MAPRE1: variants seen among roughly 807,000 people sequenced by gnomAD.
The protein encoded by MAPRE1 is microtubule associated protein RP/EB family member 1.
Under a neutral mutation model 32.1 loss-of-function variants are expected in MAPRE1, and 5 were observed. That is an observed-to-expected ratio of 0.16 (90% CI 0.08 to 0.33). The LOEUF (loss-of-function observed/expected upper bound fraction) is 0.33, where lower values mean the gene tolerates loss of function less well. Ranked by LOEUF, MAPRE1 falls within the 10% of genes least tolerant of loss-of-function variation. The probability of loss-of-function intolerance (pLI) is 1.00; values close to 1 mark genes in which losing one functional copy is unlikely to be tolerated. For missense variants in MAPRE1, 209 were observed against 327.2 expected (o/e 0.64, Z 2.79); for synonymous variants, 122 against 118.9 (o/e 1.03, Z -0.17).
chr20:32,845,657 A>G (rs920259415), intron 5 of MAPRE1, among the ~76,000 whole-genome samples: 2 of 152,074 alleles, frequency 1.3e-5, no homozygotes, highest in Admixed American at 6.6e-5. Context: ...TTTATTATTT[A>G]TTTTTTAAAA....
At chr20:32,836,873 AAT>A in intron 4 of MAPRE1, 32 bp downstream of exon 4, 1 of 1,559,320 alleles carries the variant, frequency 6.4e-7, no homozygotes, top group Non-Finnish European at 8.7e-7. Flanking sequence ...GTTTCCAAAA[AAT>A]AGCGTTCCAG....
Position 32,849,841 on chromosome 20 carries a change from A to C in MAPRE1, c.*1113A>C, listed in dbSNP as rs1173954085. 6.6e-6 allele frequency: 1 copy of C among 152,642 alleles called. No individual in the cohort carries two copies. Among genetic ancestry groups the C allele is most frequent in the Non-Finnish European group, 1.5e-5 (1 of 68,042 alleles). 9.5% of individuals were successfully genotyped at this position (152,642 alleles called of 1,614,324 possible). ...TCTGCTGTTCACAGCTCTCCACTGT[A>C]ATCCGAATACTTTGCCAGTGCACTA... On this transcript the variant is annotated 3_prime_UTR_variant, in exon 7 of 7. Transcript: ENST00000375571.
chr20:32,823,503 T>A (rs1430319226), intron 1 of MAPRE1, among the ~76,000 whole-genome samples: 2 of 152,224 alleles, frequency 1.3e-5, no homozygotes, highest in Non-Finnish European at 2.9e-5. Context: ...TTGATTTAGA[T>A]CTGGATTAGC....
intron 1 of MAPRE1, among the ~76,000 whole-genome samples, chr20:32,821,496 G>C (rs1272131810): frequency 6.6e-6 from 1 of 152,200 alleles, no homozygotes; most frequent in Non-Finnish European, 1.5e-5. Context: ...CTTTGTGGTG[G>C]TGCGTCAAAG....
chr20:32,825,440 G>T (rs1378951536), intron 1 of MAPRE1, among the ~76,000 whole-genome samples: 1 of 152,142 alleles, frequency 6.6e-6, no homozygotes, highest in East Asian at 1.9e-4. Context: ...TCCAGATTCT[G>T]TGGCTGGAAT....
At chr20:32,844,011 G>A (rs1434477268) in intron 5 of MAPRE1, among the ~76,000 whole-genome samples, 3 of 151,982 alleles carry the variant, frequency 2.0e-5, no homozygotes, top group South Asian at 2.1e-4. Flanking sequence ...CTGCCTCCAC[G>A]CCCAGCTAAT....
intron 3 of MAPRE1, 123 bp from the exon 4 acceptor site, chr20:32,836,511 C>G: frequency 1.6e-6 from 1 of 642,264 alleles, no homozygotes; most frequent in Non-Finnish European, 2.7e-6. Context: ...GGGCTTAGCC[C>G]TAAGGTCTCT....
chr20:32,834,247 G>C (rs35802810), intron 3 of MAPRE1, among the ~76,000 whole-genome samples: 23,029 of 152,180 alleles, frequency 0.15, 2,251 homozygotes, highest in Non-Finnish European at 0.21. Flanking sequence ...TAGGCCAGGC[G>C]TGGTGGCTCA....
At chr20:32,825,626 C>A (rs1982823855) in intron 1 of MAPRE1, among the ~76,000 whole-genome samples, 1 of 152,070 alleles carries the variant, frequency 6.6e-6, no homozygotes, top group Admixed American at 6.5e-5. Context: ...GAAACCCCAT[C>A]TCTACTAAAA....
At chr20:32,839,882 G>T (rs1339326983) in intron 5 of MAPRE1, 26 bp downstream of exon 5, 2 of 1,613,396 alleles carry the variant, frequency 1.2e-6, no homozygotes, top group African/African-American at 2.7e-5. Flanking sequence ...TTTAGCACGT[G>T]AGTCACCTCG....
At position 32,825,293 on chromosome 20, in the gene MAPRE1, A is replaced by G. The variant is rs1298297777; in HGVS notation, c.-3-632A>G. 3.3e-5 allele frequency among the ~76,000 whole-genome samples: 5 copies of G among 152,204 alleles called. No homozygotes were observed. In the East Asian group the frequency reaches 9.6e-4, roughly 29 times the overall value. On this transcript the variant is annotated intron_variant, in intron 1 of 6. Transcript: ENST00000375571. ...CTCGTTTATGCATCTGCCTCCCATCATAAAAGCACTTACTCATCCCTTTAT... is the reference window on the plus strand; with the variant it reads ...CTCGTTTATGCATCTGCCTCCCATCGTAAAAGCACTTACTCATCCCTTTAT...
chr20:32,820,250 A>G (rs1339013950), intron 1 of MAPRE1, among the ~76,000 whole-genome samples: 2 of 33,004 alleles, frequency 6.1e-5, no homozygotes, highest in South Asian at 1.3e-3. Flanking sequence ...TCGGGCCGGA[A>G]GTGGGCTGCT....
chr20:32,824,681 GTT>G (rs11482252), intron 1 of MAPRE1, among the ~76,000 whole-genome samples: 9 of 139,994 alleles, frequency 6.4e-5, no homozygotes, highest in Admixed American at 7.1e-5. Flanking sequence ...AGAATTTATA[GTT>G]TTTTTTTTTT....
chr20:32,821,074 A>G (rs1239597179), intron 1 of MAPRE1, among the ~76,000 whole-genome samples: 2 of 146,960 alleles, frequency 1.4e-5, no homozygotes, highest in South Asian at 2.1e-4. Flanking sequence ...CCAGGCGTGC[A>G]GTGGCACCAT....
chr20:32,842,606 G>A (rs1349402464), intron 5 of MAPRE1, among the ~76,000 whole-genome samples: 1 of 152,220 alleles, frequency 6.6e-6, no homozygotes, highest in Non-Finnish European at 1.5e-5. Flanking sequence ...TTTATCTAAG[G>A]TATACAGATG....
intron 1 of MAPRE1, among the ~76,000 whole-genome samples, chr20:32,824,858 A>G (rs1457971399): frequency 6.6e-6 from 1 of 151,996 alleles, no homozygotes; most frequent in East Asian, 1.9e-4. Flanking sequence ...AGGAATTAAT[A>G]AAAACCCATC....
rs200612525 is a variant in MAPRE1, at chr20:32,845,036, A to T, written c.598-1582A>T. Among the ~76,000 whole-genome samples the T allele has an allele frequency of 6.1e-3, 857 of 141,472 alleles. 5 individuals carry two copies. The highest frequency in any genetic ancestry group is 0.022 in the South Asian group (96 of 4,404). 92.8% of individuals were successfully genotyped at this position (141,472 alleles called of 152,430 possible). On this transcript the variant is annotated intron_variant, in intron 5 of 6. Coordinates refer to ENST00000375571, the MANE Select transcript of MAPRE1 (RefSeq NM_012325.3). ...GTATGTATGTATGTATGTATGTATG[A>T]ATGAATGAATGAATGATTGAATGAG... is the stretch of plus-strand genomic sequence containing the variant.
intron 3 of MAPRE1, among the ~76,000 whole-genome samples, chr20:32,836,207 A>G (rs927967923): frequency 6.6e-6 from 1 of 152,144 alleles, no homozygotes; most frequent in African/African-American, 2.4e-5. Flanking sequence ...TGGCCTCCCA[A>G]AGTGCTGGGT....
In MAPRE1 at chr20:32,832,807, CTTTTTTTT is replaced by C. The variant is rs35277682; in HGVS notation, c.122-893_122-886del. Among the ~76,000 whole-genome samples, 7 of 58,778 alleles carry C rather than the reference CTTTTTTTT, an allele frequency of 1.2e-4. No individual in the cohort carries two copies. The East Asian group carries it at 2.6e-3, about 22-fold the overall frequency. 38.6% of individuals were successfully genotyped at this position (58,778 alleles called of 152,430 possible). A position where few individuals can be genotyped will look rare whatever the true frequency, so the allele number is the denominator to read the frequency against. The stretch of plus-strand genomic sequence containing the variant: ...TATTTATTTTTGAGCCAGAGTTTCG[CTTTTTTTT>C]TTTTTTTTTTTTTTTTGAGACAGTG... On this transcript the variant is annotated intron_variant, in intron 2 of 6. Transcript: ENST00000375571.
Sources: allele counts gnomAD v4.1 joint callset (sites outside exome capture counted in the v4.1 genomes callset), GRCh38; gene constraint gnomAD v4.1.1; transcripts MANE v1.5; gene names NCBI Gene and HGNC (gene_info 2026-07-23, HGNC 2026-07-21).